Variants in SYNJ2 observed in about 807,000 individuals in gnomAD.
The protein encoded by SYNJ2 is synaptojanin 2.
A neutral mutation model predicts 141.3 loss-of-function variants in SYNJ2; 116 were observed. That is an observed-to-expected ratio of 0.82 (90% confidence interval 0.71 to 0.96). SYNJ2 has a LOEUF of 0.96. Among genes scored for constraint, SYNJ2 ranks in the 40% least tolerant of loss-of-function variants. The pLI is 0.00. For missense variants in SYNJ2, 1,873 were observed against 1,934.8 expected (o/e 0.97, Z 0.60); for synonymous variants, 745 against 777.7 (o/e 0.96, Z 0.70).
chr6:158,004,539 C>T (rs1230713162), intron 1 of SYNJ2, among the ~76,000 whole-genome samples: 1 of 152,196 alleles, frequency 6.6e-6, no homozygotes, highest in Non-Finnish European at 1.5e-5. Flanking sequence ...AATTGCCTAC[C>T]CCTTTCCCAG....
In SYNJ2 at chr6:158,097,226, G is replaced by A. The variant is rs1783840533; in HGVS notation, c.*862G>A. On this transcript the variant is annotated 3_prime_UTR_variant, in exon 27 of 27. Coordinates refer to ENST00000355585, the MANE Select transcript of SYNJ2 (RefSeq NM_003898.4). ...AGTGCGAAAACTCTTGCTGATACGC[G>A]ATATTGATTCTCATTGTTAGAATAT... 1.3e-5 allele frequency: 2 copies of A among 152,178 alleles called. No individual in the cohort carries two copies. The highest frequency in any genetic ancestry group is 2.1e-4 in the South Asian group (1 of 4,828). The allele number at this position is 152,178 out of a possible 1,614,324, so 9.4% of individuals were successfully genotyped here.
Position 158,081,291 on chromosome 6 carries a change from A to G in SYNJ2, c.2750A>G (p.Gln917Arg), listed in dbSNP as rs1782663473. The G allele has an allele frequency of 1.9e-6, 3 of 1,614,212 alleles. No individual in the cohort carries two copies. The highest frequency in any genetic ancestry group is 1.7e-5 in the Admixed American group (1 of 60,022). ...GAGGACCTGCGTACTGAGCTCATGC[A>G]GACCTTGGGGAGTTATGGGACAATT... ...FPEDLRTELM[Q>R]TLGSYGTIVL... The change falls in exon 19 of 27, where the codon CAG (glutamine) becomes CGG (arginine). Residue 917 changes from glutamine (Q) to arginine (R), a missense_variant. Gln to Arg is a conservative substitution (Grantham distance 43, BLOSUM62 1). Transcript: ENST00000355585.
chr6:158,076,558 T>C, intron 16 of SYNJ2, 68 bp from the exon 17 acceptor site: 4 of 1,523,804 alleles, frequency 2.6e-6, no homozygotes, highest in Non-Finnish European at 3.5e-6. Flanking sequence ...TTTTCAGTTT[T>C]CGTTTTTGTA....
chr6:157,981,814 G>T, upstream of SYNJ2: 1 of 671,600 alleles, frequency 1.5e-6, no homozygotes, highest in South Asian at 7.4e-5. This position sits in a 1 kb window ranked among gnomAD's most constrained non-coding sequence, Gnocchi z 6.4. Context: ...AGGAGGAAGG[G>T]GAGGAGGCCG....
intron 1 of SYNJ2, among the ~76,000 whole-genome samples, chr6:157,986,131 C>T (rs1777193020): frequency 6.6e-6 from 1 of 152,104 alleles, no homozygotes; most frequent in Non-Finnish European, 1.5e-5. Flanking sequence ...AATAAGTCAC[C>T]ATTTTATAAA....
intron 16 of SYNJ2, among the ~76,000 whole-genome samples, chr6:158,075,804 GT>G (rs1480388936): frequency 8.5e-5 from 13 of 152,104 alleles, no homozygotes; most frequent in African/African-American, 2.7e-4. Flanking sequence ...CCTAAAGCAG[GT>G]TTTCCTGTCT....
At chr6:158,067,523 C>T in intron 12 of SYNJ2, 3 of 985,446 alleles carry the variant, frequency 3.0e-6, no homozygotes, top group Non-Finnish European at 3.6e-6. Context: ...ATAAATGATT[C>T]TTGTCCAGTC....
intron 5 of SYNJ2, among the ~76,000 whole-genome samples, chr6:158,053,641 C>A (rs1014116258): frequency 1.3e-5 from 2 of 151,676 alleles, no homozygotes; most frequent in African/African-American, 4.8e-5. Flanking sequence ...CACCTATCCA[C>A]CTACTTGTCT....
At chr6:157,994,523 ATCTACC>A (rs1777572135) in intron 1 of SYNJ2, among the ~76,000 whole-genome samples, 1 of 152,128 alleles carries the variant, frequency 6.6e-6, no homozygotes, top group South Asian at 2.1e-4. Context: ...TGGGTGGGGG[ATCTACC>A]TCTCTTTTCA....
rs575815530 is a variant in SYNJ2, at chr6:158,088,527, C to T, written c.3344-133C>T. The stretch of plus-strand genomic sequence containing the variant: ...CTGGCTCTGTGGGTGCCCTAAGTGC[C>T]GAGTGAGTATTCGGACCTCACCGTG... On this transcript the variant is annotated intron_variant, in intron 23 of 26. Transcript: ENST00000355585. 3.3e-5 allele frequency: 22 copies of T among 669,684 alleles called. 2 individuals are homozygous for T. In the South Asian group the frequency reaches 3.4e-4, roughly 10 times the overall value. The allele number at this position is 669,684 out of a possible 1,614,324, so 41.5% of individuals were successfully genotyped here.
intron 2 of SYNJ2, among the ~76,000 whole-genome samples, chr6:158,021,178 C>G (rs2128330453): frequency 6.6e-6 from 1 of 152,316 alleles, no homozygotes; most frequent in Non-Finnish European, 1.5e-5. Flanking sequence ...GGACTCTACT[C>G]CTATCCCAGA....
chr6:158,048,724 T>C (rs1360613395), intron 5 of SYNJ2, among the ~76,000 whole-genome samples: 2 of 152,212 alleles, frequency 1.3e-5, no homozygotes, highest in East Asian at 3.8e-4. Context: ...GGGGTCAGAC[T>C]GGGTGCAGGG....
At chr6:158,035,755 T>C (rs1050665837) in intron 4 of SYNJ2, among the ~76,000 whole-genome samples, 4 of 152,160 alleles carry the variant, frequency 2.6e-5, no homozygotes, top group African/African-American at 4.8e-5. Context: ...CTTTTGCCCA[T>C]TCAGTATGGT....
intron 1 of SYNJ2, among the ~76,000 whole-genome samples, chr6:158,009,000 G>A (rs1053041042): frequency 6.6e-6 from 1 of 152,126 alleles, no homozygotes; most frequent in African/African-American, 2.4e-5. Flanking sequence ...GGCTTGCACT[G>A]GTCAGGAGTG....
At position 158,097,038 on chromosome 6, in the gene SYNJ2, C is replaced by T. The variant is rs1012794623; in HGVS notation, c.*674C>T. On this transcript the variant is annotated 3_prime_UTR_variant, in exon 27 of 27. Coordinates refer to ENST00000355585, the MANE Select transcript of SYNJ2 (RefSeq NM_003898.4). ...CCTTAGCTTAAACTAGCTGAAGGCTCCTGTGCCATGTCTTAGACATTGCAT... is the reference window on the plus strand; with the variant it reads ...CCTTAGCTTAAACTAGCTGAAGGCTTCTGTGCCATGTCTTAGACATTGCAT... The T allele has an allele frequency of 1.3e-5, 2 of 152,764 alleles. No individual in the cohort carries two copies. Among genetic ancestry groups the T allele is most frequent in the Admixed American group, 6.5e-5 (1 of 15,276 alleles). The allele number at this position is 152,764 out of a possible 1,614,324, so 9.5% of individuals were successfully genotyped here.
chr6:157,995,447 GCT>G (rs1464291542), intron 1 of SYNJ2, among the ~76,000 whole-genome samples: 2 of 152,246 alleles, frequency 1.3e-5, no homozygotes, highest in Non-Finnish European at 2.9e-5. Context: ...TCCTAGGGCA[GCT>G]CTCTGTCTTG....
chr6:158,083,133 G>A (rs997783131), intron 20 of SYNJ2, among the ~76,000 whole-genome samples: 9 of 152,072 alleles, frequency 5.9e-5, no homozygotes, highest in East Asian at 1.9e-4. Context: ...GGGTTTCACC[G>A]TGTTGGTCAG....
chr6:158,064,733 C>T lies in SYNJ2; in HGVS notation c.1342C>T (p.Leu448=), dbSNP rs1422289835. Residue 448 remains leucine, a synonymous_variant, in exon 10 of 27, where the codon CTG becomes TTG. Transcript: ENST00000355585. Reference sequence around the variant, plus strand: ...CAAGGTGTTCACAGGCAGCAGAGCCCTGGAAGGGAAGGCCAAGGTAGGGCC... The same window carrying T: ...CAAGGTGTTCACAGGCAGCAGAGCCTTGGAAGGGAAGGCCAAGGTAGGGCC... ...LSKVFTGSRA[L]EGKAKVGKLK... 6 of 1,613,888 alleles carry T rather than the reference C, an allele frequency of 3.7e-6. No individual in the cohort carries two copies. The East Asian group carries it at 1.3e-4, about 36-fold the overall frequency.
In SYNJ2 at chr6:158,071,345, C is replaced by T. The variant is rs1363786529; in HGVS notation, c.1941-257C>T. On this transcript the variant is annotated intron_variant, in intron 14 of 26. Coordinates refer to ENST00000355585, the MANE Select transcript of SYNJ2 (RefSeq NM_003898.4). The surrounding 1 kb of genome is among the most constrained non-coding windows in gnomAD (Gnocchi z 4.3). ...GCGGATGCAGGCATTGCCCTGTCTT[C>T]GGCTTCATGGGGTGCTCAAGTGAGC... 3.3e-5 allele frequency among the ~76,000 whole-genome samples: 5 copies of T among 152,154 alleles called. No homozygotes were observed. Among genetic ancestry groups the T allele is most frequent in the Non-Finnish European group, 2.9e-5 (2 of 68,044 alleles).
Sources: allele counts gnomAD v4.1 joint callset (sites outside exome capture counted in the v4.1 genomes callset), GRCh38; gene constraint gnomAD v4.1.1; non-coding constraint Gnocchi (gnomAD v3.1); transcripts MANE v1.5; gene names NCBI Gene and HGNC (gene_info 2026-07-23, HGNC 2026-07-21).